SLC16A10: variants seen among roughly 807,000 people sequenced by gnomAD.
SLC16A10 encodes monocarboxylate transporter 10.
In SLC16A10, 27 loss-of-function variants were observed where a neutral mutation model predicts 40.0. The ratio of observed to expected loss-of-function variants is 0.67; its 90% CI spans 0.50 to 0.93. The LOEUF is 0.93. Ranked by LOEUF, SLC16A10 falls within the 40% of genes least tolerant of loss-of-function variation. The pLI, the probability that SLC16A10 is intolerant of heterozygous loss-of-function variation, is 0.00. For synonymous variants in SLC16A10, 213 were observed against 249.8 expected, an observed-to-expected ratio of 0.85 and a Z score of 1.39; for missense variants, 529 against 658.2, an observed-to-expected ratio of 0.80 and a Z score of 2.15.
At chr6:111,195,378 GA>G (rs1255566355) in intron 3 of SLC16A10, among the ~76,000 whole-genome samples, 2 of 152,130 alleles carry the variant, frequency 1.3e-5, no homozygotes, top group Non-Finnish European at 2.9e-5. Flanking sequence ...AGGGGAGGGG[GA>G]AATGAGGAGT....
chr6:111,113,421 G>C (rs1217745950), intron 1 of SLC16A10, among the ~76,000 whole-genome samples: 1 of 152,184 alleles, frequency 6.6e-6, no homozygotes, highest in African/African-American at 2.4e-5. Context: ...GGTGTTTTTC[G>C]ATCACATGGA....
chr6:111,125,490 A>G (rs920540146), intron 1 of SLC16A10, among the ~76,000 whole-genome samples: 1 of 152,126 alleles, frequency 6.6e-6, no homozygotes, highest in African/African-American at 2.4e-5. Context: ...ACTCTGACTT[A>G]ATGAGTTTAC....
intron 1 of SLC16A10, among the ~76,000 whole-genome samples, chr6:111,115,003 A>C (rs565654195): frequency 7.9e-5 from 12 of 152,084 alleles, no homozygotes; most frequent in Non-Finnish European, 1.6e-4. Flanking sequence ...AGCAAGTTGC[A>C]GAAGCCTGTA....
At chr6:111,142,120 T>C (rs1022112526) in intron 1 of SLC16A10, among the ~76,000 whole-genome samples, 1 of 152,220 alleles carries the variant, frequency 6.6e-6, no homozygotes, top group African/African-American at 2.4e-5. Flanking sequence ...CTTCAAGACT[T>C]ACTGTAAAGC....
chr6:111,097,561 G>A (rs1443187154), intron 1 of SLC16A10, among the ~76,000 whole-genome samples: 2 of 151,904 alleles, frequency 1.3e-5, no homozygotes, highest in Admixed American at 6.6e-5. Context: ...TGACCCACCC[G>A]CCTCAGTCTC....
chr6:111,164,263 A>C (rs1040368776), intron 1 of SLC16A10, among the ~76,000 whole-genome samples: 3 of 148,948 alleles, frequency 2.0e-5, no homozygotes, highest in Non-Finnish European at 2.9e-5. Flanking sequence ...TTCCTTACAC[A>C]CCTTGATGTA....
At chr6:111,166,818 A>G (rs890195579) in intron 1 of SLC16A10, among the ~76,000 whole-genome samples, 2 of 152,220 alleles carry the variant, frequency 1.3e-5, no homozygotes, top group Admixed American at 6.5e-5. Flanking sequence ...TTTTCTCAGA[A>G]TGGAGTAGGA....
Position 111,101,135 on chromosome 6 carries a change from A to G in SLC16A10, c.343+13040A>G, listed in dbSNP as rs1392654749. Among the ~76,000 whole-genome samples, 3 of 151,106 alleles carry G rather than the reference A, an allele frequency of 2.0e-5. No individual in the cohort carries two copies. In the East Asian group the frequency reaches 5.8e-4, roughly 29 times the overall value. ...AGCCTCGACCTCCTGGGCTCAAGTG[A>G]TCCTCCCACCTCAACCTCCCAAGTA... On this transcript the variant is annotated intron_variant, in intron 1 of 5. Coordinates refer to ENST00000368851, the MANE Select transcript of SLC16A10 (RefSeq NM_018593.5).
chr6:111,120,706 AG>A (rs1771568094), intron 1 of SLC16A10, among the ~76,000 whole-genome samples: 3 of 152,178 alleles, frequency 2.0e-5, no homozygotes, highest in Admixed American at 6.5e-5. Context: ...CAGATACTGT[AG>A]ATTATTTGGC....
At chr6:111,194,569 T>C (rs1253294024) in intron 3 of SLC16A10, among the ~76,000 whole-genome samples, 1 of 152,114 alleles carries the variant, frequency 6.6e-6, no homozygotes, top group African/African-American at 2.4e-5. Context: ...TTAACAGATA[T>C]CCACGCCCCT....
At chr6:111,157,929 A>G (rs1239783161) in intron 1 of SLC16A10, among the ~76,000 whole-genome samples, 3 of 151,586 alleles carry the variant, frequency 2.0e-5, no homozygotes, top group African/African-American at 7.3e-5. Flanking sequence ...AGAAAAAAAG[A>G]AAAAGAACTG....
chr6:111,162,238 G>A (rs915957737), intron 1 of SLC16A10, among the ~76,000 whole-genome samples: 2 of 152,156 alleles, frequency 1.3e-5, no homozygotes, highest in Non-Finnish European at 2.9e-5. Context: ...TTTTCACACA[G>A]GCTTTTAAAA....
intron 1 of SLC16A10, among the ~76,000 whole-genome samples, chr6:111,157,307 G>C (rs1772288214): frequency 6.6e-6 from 1 of 151,944 alleles, no homozygotes; most frequent in African/African-American, 2.4e-5. Flanking sequence ...TTTTTGAGAT[G>C]GAGTCTTGTA....
Position 111,177,276 on chromosome 6 carries a change from C to A in SLC16A10, c.553C>A (p.Gln185Lys). 1 of 1,605,476 alleles carries A rather than the reference C, an allele frequency of 6.2e-7. No individual in the cohort carries two copies. ...TGCCTGCGGCTGCTCCTTTGCATACCAGCCTTCATTGGTCATTTTGGGACA... is the reference window on the plus strand; with the variant it reads ...TGCCTGCGGCTGCTCCTTTGCATACAAGCCTTCATTGGTCATTTTGGGACA... ...IFACGCSFAY[Q>K]PSLVILGHYF... is the part of the protein sequence containing the mutation. Residue 185 changes from glutamine to lysine, a missense_variant, in exon 3 of 6, where the codon CAG becomes AAG. Gln to Lys is a moderately conservative substitution (Grantham distance 53). Transcript: ENST00000368851.
chr6:111,120,103 C>T (rs1172274009), intron 1 of SLC16A10, among the ~76,000 whole-genome samples: 1 of 152,212 alleles, frequency 6.6e-6, no homozygotes, highest in Non-Finnish European at 1.5e-5. Flanking sequence ...AAGAGATTTG[C>T]GTATGTCCTC....
intron 1 of SLC16A10, among the ~76,000 whole-genome samples, chr6:111,131,416 GCCATCTTGGAAGCAGCCCGCCA>G (rs1771780456): frequency 6.6e-6 from 1 of 152,152 alleles, no homozygotes; most frequent in South Asian, 2.1e-4. Context: ...GAGGCTTGCC[GCCATCTTGGAAGCAGCCCGCCA>G]CCATCTTGGG....
intron 1 of SLC16A10, among the ~76,000 whole-genome samples, chr6:111,117,227 CT>C (rs1366266583): frequency 3.3e-5 from 5 of 151,994 alleles, no homozygotes; most frequent in Admixed American, 2.0e-4. Flanking sequence ...TGTTGGGTGC[CT>C]GTAGTCCCAG....
chr6:111,196,615 C>T (rs2114572684), intron 3 of SLC16A10, among the ~76,000 whole-genome samples: 1 of 152,254 alleles, frequency 6.6e-6, no homozygotes, highest in African/African-American at 2.4e-5. Flanking sequence ...TTTAGATCAG[C>T]CTGGGTAACA....
chr6:111,126,092 G>A (rs1771669810), intron 1 of SLC16A10, among the ~76,000 whole-genome samples: 2 of 152,128 alleles, frequency 1.3e-5, no homozygotes, highest in Non-Finnish European at 2.9e-5. Flanking sequence ...ATAAATGTCA[G>A]ATTTATAATC....
Sources: gnomAD v4.1 joint callset for allele counts (sites outside exome capture counted in the v4.1 genomes callset) on GRCh38, gnomAD v4.1.1 for gene constraint, MANE v1.5 for transcripts, NCBI Gene and HGNC (gene_info 2026-07-23, HGNC 2026-07-21) for gene names.